Variants in ZNF273 observed in about 807,000 individuals in gnomAD.
The protein encoded by ZNF273 is zinc finger protein 273, also known as zinc finger protein 9.
A neutral mutation model predicts 14.9 loss-of-function variants in ZNF273; 11 were observed. That is an observed-to-expected ratio of 0.74 (90% CI 0.46 to 1.22). The LOEUF (loss-of-function observed/expected upper bound fraction) is 1.22. Ranked by LOEUF, ZNF273 falls within the 50% of genes most tolerant of loss-of-function variation. The pLI is 0.00. For missense variants in ZNF273, 577 were observed against 660.6 expected (o/e 0.87, Z 1.39); for synonymous variants, 199 against 223.9 (o/e 0.89, Z 0.99).
chr7:64,894,591 T>TAA (rs11334125), downstream of ZNF273, among the ~76,000 whole-genome samples: 11 of 148,500 alleles, frequency 7.4e-5, no homozygotes, highest in African/African-American at 2.5e-4. Flanking sequence ...GTCACAACAG[T>TAA]AAAAAAAAAA....
At chr7:64,898,875 G>A (rs115742619), upstream of ZNF273, among the ~76,000 whole-genome samples, 302 of 152,266 alleles carry the variant, frequency 2.0e-3, 2 homozygotes, top group African/African-American at 6.5e-3. Context: ...TACTGAATCC[G>A]GTCATACTGT....
chr7:64,906,691 A>T (rs1050747613), intron 1 of ZNF273, among the ~76,000 whole-genome samples: 1 of 148,600 alleles, frequency 6.7e-6, no homozygotes, highest in African/African-American at 2.5e-5. Flanking sequence ...ATACTGAGAG[A>T]AGCTACAGAG....
At chr7:64,926,795 CTT>C (rs371980034) in intron 3 of ZNF273, among the ~76,000 whole-genome samples, 163 of 152,238 alleles carry the variant, frequency 1.1e-3, no homozygotes, top group Admixed American at 2.3e-3. Context: ...TAAAATGTGT[CTT>C]TTCTGAAATT....
Position 64,929,005 on chromosome 7 carries a change from A to G in ZNF273, c.1677A>G (p.Arg559=), listed in dbSNP as rs1794907517. Residue 559 remains arginine, a synonymous_variant, in exon 4 of 4, where the codon AGA becomes AGG. Coordinates refer to ENST00000476120, the MANE Select transcript of ZNF273 (RefSeq NM_021148.3). ...TTGACAACACCCCAAACTTTTCTAG[A>G]CATAAAAGAAATCATATGGGTGAGA... ...SAFDNTPNFS[R]HKRNHMGEKS 2.6e-6 allele frequency: 4 copies of G among 1,561,078 alleles called. No homozygotes were observed. The highest frequency in any genetic ancestry group is 3.5e-6 in the Non-Finnish European group (4 of 1,158,742).
downstream of ZNF273, chr7:64,893,661 T>C (rs1792170134): frequency 1.4e-5 from 2 of 139,566 alleles, no homozygotes; most frequent in Admixed American, 7.2e-5. Context: ...GTTTCCTCCC[T>C]CCCGTCCCCC....
chr7:64,903,246 C>A, upstream of ZNF273: 7 of 1,293,220 alleles, frequency 5.4e-6, no homozygotes, highest in Non-Finnish European at 7.7e-6. Flanking sequence ...GCGGACAGGA[C>A]GGCTTCCGGG....
chr7:64,900,362 G>A (rs909877616), upstream of ZNF273, among the ~76,000 whole-genome samples: 1 of 152,194 alleles, frequency 6.6e-6, no homozygotes, highest in Non-Finnish European at 1.5e-5. Flanking sequence ...CTGGGCTCAA[G>A]TGATCCATCC....
intron 3 of ZNF273, among the ~76,000 whole-genome samples, chr7:64,920,049 C>G (rs1794314005): frequency 6.6e-6 from 1 of 151,536 alleles, no homozygotes; most frequent in Non-Finnish European, 1.5e-5. Flanking sequence ...TTTTTATAAC[C>G]TGGTTTCAGC....
At chr7:64,903,718 AG>A (rs906937296) in intron 1 of ZNF273, among the ~76,000 whole-genome samples, 2 of 152,188 alleles carry the variant, frequency 1.3e-5, no homozygotes, top group African/African-American at 4.8e-5. Context: ...CTCGGGATGC[AG>A]GGTTCATGAC....
At chr7:64,904,454 C>T (rs1484370817) in intron 1 of ZNF273, among the ~76,000 whole-genome samples, 1 of 152,136 alleles carries the variant, frequency 6.6e-6, no homozygotes, top group Non-Finnish European at 1.5e-5. Context: ...GTCTAATTGC[C>T]TGCTACTTAA....
intron 1 of ZNF273, among the ~76,000 whole-genome samples, chr7:64,912,988 C>G (rs2129071466): frequency 6.6e-6 from 1 of 151,516 alleles, no homozygotes; most frequent in African/African-American, 2.4e-5. Flanking sequence ...ACCACCATGT[C>G]CAGCTAATAT....
intron 3 of ZNF273, among the ~76,000 whole-genome samples, chr7:64,921,789 C>G (rs988083894): frequency 3.3e-5 from 5 of 151,748 alleles, no homozygotes; most frequent in African/African-American, 7.3e-5. Context: ...ACCAACATGC[C>G]TGGCTAATTT....
rs1355434363 is a variant in ZNF273 at position 64,929,068 on chromosome 7, G to A, written c.*30G>A. On this transcript the variant is annotated 3_prime_UTR_variant, in exon 4 of 4. Coordinates refer to ENST00000476120, the MANE Select transcript of ZNF273 (RefSeq NM_021148.3). ...GTGAAGAATGTGACAAAGCCTTTAAGCGGTTGTCACACTTGATTGTATATA... is the reference window on the plus strand; with the variant it reads ...GTGAAGAATGTGACAAAGCCTTTAAACGGTTGTCACACTTGATTGTATATA... 2 of 1,324,016 alleles carry A rather than the reference G, an allele frequency of 1.5e-6. No individual in the cohort carries two copies. Among genetic ancestry groups the A allele is most frequent in the African/African-American group, 2.0e-5 (1 of 49,276 alleles). 82.0% of individuals were successfully genotyped at this position (1,324,016 alleles called of 1,614,324 possible).
chr7:64,912,826 GTTTT>G (rs71061324), intron 1 of ZNF273, among the ~76,000 whole-genome samples: 1 of 36,568 alleles, frequency 2.7e-5, no homozygotes, highest in African/African-American at 8.2e-5. Context: ...ATTCATTTTA[GTTTT>G]TTTTTTTTTT....
At chr7:64,884,585 G>T (rs1791468457), downstream of ZNF273, among the ~76,000 whole-genome samples, 1 of 152,136 alleles carries the variant, frequency 6.6e-6, no homozygotes, top group African/African-American at 2.4e-5. Flanking sequence ...AGGACTCCCT[G>T]GGGGGCCCTG....
the ZNF273 span, among the ~76,000 whole-genome samples, chr7:64,936,269 C>CA: frequency 6.6e-6 from 1 of 152,064 alleles, no homozygotes; most frequent in Non-Finnish European, 1.5e-5. Context: ...CATTAGCTGC[C>CA]AAAAACAGTA....
At chr7:64,908,580 G>A (rs1329311508) in intron 1 of ZNF273, among the ~76,000 whole-genome samples, 2 of 152,180 alleles carry the variant, frequency 1.3e-5, no homozygotes, top group Non-Finnish European at 2.9e-5. Flanking sequence ...AGCCTCCTGA[G>A]TAGCTGAAAT....
chr7:64,910,921 A>G (rs886613301), intron 1 of ZNF273, among the ~76,000 whole-genome samples: 76 of 151,944 alleles, frequency 5.0e-4, no homozygotes, highest in African/African-American at 1.7e-3. Flanking sequence ...ATGCACCACC[A>G]TGCCTGGCTA....
intron 3 of ZNF273, among the ~76,000 whole-genome samples, chr7:64,896,672 T>C (rs1792381864): frequency 1.3e-5 from 2 of 152,070 alleles, no homozygotes; most frequent in Non-Finnish European, 2.9e-5. Context: ...AAACAGCCCT[T>C]GGAAAAATAG....
Sources: gnomAD v4.1 joint callset for allele counts (sites outside exome capture counted in the v4.1 genomes callset) on GRCh38, gnomAD v4.1.1 for gene constraint, MANE v1.5 for transcripts, NCBI Gene and HGNC (gene_info 2026-07-23, HGNC 2026-07-21) for gene names.